Variants in STRBP observed in about 807,000 individuals in gnomAD.
The protein encoded by STRBP is spermatid perinuclear RNA-binding protein.
Under a neutral mutation model 80.1 loss-of-function variants are expected in STRBP, and 13 were observed. The observed-to-expected ratio is 0.16, with a 90% CI of 0.11 to 0.26. The LOEUF is 0.26. STRBP is among the 10% of genes least tolerant of loss of function. The pLI, the probability that STRBP is intolerant of heterozygous loss-of-function variation, is 1.00. For missense variants in STRBP, 485 were observed against 815.2 expected (o/e 0.59, Z 4.93); for synonymous variants, 284 against 291.2 (o/e 0.98, Z 0.25).
chr9:123,204,086 G>A (rs2039426965), intron 2 of STRBP, among the ~76,000 whole-genome samples: 1 of 152,162 alleles, frequency 6.6e-6, no homozygotes, highest in African/African-American at 2.4e-5. Context: ...ATTGGCAGAT[G>A]GTGTCTTTGT....
chr9:123,122,086 C>T lies in STRBP; in HGVS notation c.*3511G>A, dbSNP rs117520184. ...GACCATACAATTTTTAAAGGTAATG[C>T]GATGACATATGACCTAAGAGATCAA... is the stretch of plus-strand genomic sequence containing the variant. On this transcript the variant is annotated 3_prime_UTR_variant, in exon 19 of 19. Coordinates refer to ENST00000348403, the MANE Select transcript of STRBP (RefSeq NM_018387.5). 1.4e-5 allele frequency: 3 copies of T among 211,804 alleles called. No individual in the cohort carries two copies. Among genetic ancestry groups the T allele is most frequent in the Admixed American group, 5.5e-5 (1 of 18,032 alleles). 13.1% of individuals were successfully genotyped at this position (211,804 alleles called of 1,614,324 possible). A position where few individuals can be genotyped will look rare whatever the true frequency, so the allele number is the denominator to read the frequency against.
At chr9:123,143,625 A>G (rs1463028305) in intron 13 of STRBP, among the ~76,000 whole-genome samples, 2 of 152,272 alleles carry the variant, frequency 1.3e-5, no homozygotes, top group Non-Finnish European at 2.9e-5. Context: ...CCTGGCATAG[A>G]ATAAGAATTC....
chr9:123,239,280 C>T (rs1232217296), intron 1 of STRBP, among the ~76,000 whole-genome samples: 1 of 151,914 alleles, frequency 6.6e-6, no homozygotes, highest in African/African-American at 2.4e-5. Context: ...GAGGCTGAGG[C>T]GGGAGAATGG....
chr9:123,176,803 G>C (rs2038238924), intron 4 of STRBP, among the ~76,000 whole-genome samples: 1 of 152,114 alleles, frequency 6.6e-6, no homozygotes, highest in African/African-American at 2.4e-5. Flanking sequence ...TTATTGTAAA[G>C]CAAGCAACCC....
At chr9:123,208,861 A>T (rs1011404609) in intron 2 of STRBP, among the ~76,000 whole-genome samples, 1 of 152,128 alleles carries the variant, frequency 6.6e-6, no homozygotes, top group Admixed American at 6.5e-5. Context: ...CTCACAAACA[A>T]ACATTTGGGA....
intron 9 of STRBP, 82 bp from the exon 10 acceptor site, chr9:123,158,511 G>C: frequency 2.5e-6 from 3 of 1,199,434 alleles, no homozygotes; most frequent in Non-Finnish European, 3.6e-6. Context: ...GATGGCTGGG[G>C]AGAATGAAGA....
Position 123,251,237 on chromosome 9 carries a change from A to G in STRBP, c.-301-14271T>C, listed in dbSNP as rs569331111. ...CTTTTCTCTCTCCCTCTCTCAAAGA[A>G]GAAGAAGAAGGAGAAGGAGAAGAAA... On this transcript the variant is annotated intron_variant, in intron 1 of 18. Transcript: ENST00000348403. 2.0e-5 allele frequency among the ~76,000 whole-genome samples: 3 copies of G among 151,354 alleles called. No homozygotes were observed. In the East Asian group the frequency reaches 5.8e-4, roughly 29 times the overall value.
At position 123,268,421 on chromosome 9, in the gene STRBP, G is replaced by C. The variant is rs1168099814; in HGVS notation, c.-302+15C>G. The C allele has an allele frequency of 6.6e-6, 1 of 151,372 alleles. No individual in the cohort carries two copies. The highest frequency in any genetic ancestry group is 1.4e-5 in the Non-Finnish European group (1 of 69,046). The allele number at this position is 151,372 out of a possible 1,614,324, so 9.4% of individuals were successfully genotyped here. Reference sequence around the variant, plus strand: ...GGCCCGCCGCGCAGGCGCCCGCCCCGCCGCCGGAGCCTACCCGCGCCGCCG... The same window carrying C: ...GGCCCGCCGCGCAGGCGCCCGCCCCCCCGCCGGAGCCTACCCGCGCCGCCG... On this transcript the variant is annotated intron_variant, in intron 1 of 18. Transcript: ENST00000348403.
intron 2 of STRBP, among the ~76,000 whole-genome samples, chr9:123,226,134 T>C (rs1021541723): frequency 6.6e-6 from 1 of 152,004 alleles, no homozygotes; most frequent in South Asian, 2.1e-4. Context: ...CACAGATGCA[T>C]CTCGAAAGCA....
intron 11 of STRBP, among the ~76,000 whole-genome samples, chr9:123,153,186 G>C (rs2037133585): frequency 1.4e-5 from 2 of 146,288 alleles, no homozygotes; most frequent in Non-Finnish European, 1.5e-5. Flanking sequence ...CTAAATTCTA[G>C]ACTCATTTTT....
At chr9:123,251,042 A>T (rs2040903933) in intron 1 of STRBP, among the ~76,000 whole-genome samples, 1 of 152,142 alleles carries the variant, frequency 6.6e-6, no homozygotes, top group Non-Finnish European at 1.5e-5. Context: ...CAGGCAGACC[A>T]CTTGAACTCT....
At chr9:123,204,735 G>A (rs1292384881) in intron 2 of STRBP, among the ~76,000 whole-genome samples, 1 of 150,834 alleles carries the variant, frequency 6.6e-6, no homozygotes, top group Non-Finnish European at 1.5e-5. Flanking sequence ...GGCTAACACA[G>A]TAAAACCCCG....
At position 123,179,075 on chromosome 9, in the gene STRBP, T is replaced by G; in HGVS notation, c.156A>C (p.Thr52=). The G allele has an allele frequency of 6.2e-7, 1 of 1,614,176 alleles. No homozygotes were observed. ...CACCCTCTGTTTTTGTGCCTTTATT[T>G]GTTTCATCCAACCAATCTGAGACAT... The part of the protein sequence containing the change: ...LKHVSDWLDE[T]NKGTKTEGET... The change falls in exon 4 of 19, where the codon ACA becomes ACC. Residue 52 remains threonine, a synonymous_variant. Transcript: ENST00000348403.
intron 3 of STRBP, among the ~76,000 whole-genome samples, chr9:123,181,367 A>G (rs1394586322): frequency 6.6e-6 from 1 of 152,236 alleles, no homozygotes; most frequent in Non-Finnish European, 1.5e-5. Flanking sequence ...CACCGGCCAC[A>G]CCTGAGCAAA....
Position 123,125,333 on chromosome 9 carries a change from C to A in STRBP, c.*264G>T, listed in dbSNP as rs1174694549. 37 of 1,139,374 alleles carry A rather than the reference C, an allele frequency of 3.2e-5. No individual in the cohort carries two copies. Among genetic ancestry groups the A allele is most frequent in the Admixed American group, 2.6e-4 (6 of 22,772 alleles). The allele number at this position is 1,139,374 out of a possible 1,614,324, so 70.6% of individuals were successfully genotyped here. A position where few individuals can be genotyped will look rare whatever the true frequency, so the allele number is the denominator to read the frequency against. ...AAAACTTAAACTTTGAACTGCTAGA[C>A]TTTTATTTCCCTAGAACAGAAGGGC... On this transcript the variant is annotated 3_prime_UTR_variant, in exon 19 of 19. Transcript: ENST00000348403.
intron 1 of STRBP, among the ~76,000 whole-genome samples, chr9:123,244,684 G>A (rs1320906929): frequency 2.6e-5 from 4 of 152,142 alleles, no homozygotes; most frequent in African/African-American, 9.7e-5. Flanking sequence ...AGAGAAACTG[G>A]ATCACACATA....
intron 2 of STRBP, among the ~76,000 whole-genome samples, chr9:123,207,349 C>T (rs1011320892): frequency 6.6e-6 from 1 of 152,278 alleles, no homozygotes; most frequent in African/African-American, 2.4e-5. Context: ...CAGTGATCCA[C>T]TTCATCATGT....
chr9:123,124,049 T>C lies in STRBP; in HGVS notation c.*1548A>G, dbSNP rs1372112594. On this transcript the variant is annotated 3_prime_UTR_variant, in exon 19 of 19. Transcript: ENST00000348403. ...CCAAGGAGAAGAAACAAACTAATCA[T>C]TGTGTAATATATATCTGAGAAGTGA... is the stretch of plus-strand genomic sequence containing the variant. 2.0e-6 allele frequency: 2 copies of C among 985,390 alleles called. No homozygotes were observed. Among genetic ancestry groups the C allele is most frequent in the East Asian group, 1.1e-4 (1 of 8,812 alleles). The allele number at this position is 985,390 out of a possible 1,614,324, so 61.0% of individuals were successfully genotyped here.
At chr9:123,250,631 G>C (rs2040893763) in intron 1 of STRBP, among the ~76,000 whole-genome samples, 1 of 152,186 alleles carries the variant, frequency 6.6e-6, no homozygotes, top group Non-Finnish European at 1.5e-5. Context: ...TCTCAGGAAT[G>C]AACCATGTCA....
Sources: allele counts gnomAD v4.1 joint callset (sites outside exome capture counted in the v4.1 genomes callset), GRCh38; gene constraint gnomAD v4.1.1; transcripts MANE v1.5; gene names NCBI Gene and HGNC (gene_info 2026-07-23, HGNC 2026-07-21).